Variants in TTC21B observed in about 807,000 individuals in gnomAD.
TTC21B encodes the protein tetratricopeptide repeat protein 21B.
A neutral mutation model predicts 175.1 loss-of-function variants in TTC21B; 127 were observed. That is an observed-to-expected ratio of 0.73 (90% CI 0.63 to 0.84). The LOEUF (loss-of-function observed/expected upper bound fraction) is 0.84, where lower values mean the gene tolerates loss of function less well. Ranked by LOEUF, TTC21B falls within the 40% of genes least tolerant of loss-of-function variation. The pLI, the probability that TTC21B is intolerant of heterozygous loss-of-function variation, is 0.00. For synonymous variants in TTC21B, 524 were observed against 524.5 expected, an observed-to-expected ratio of 1.00 and a Z score of 0.01; for missense variants, 1,561 against 1,558.3, an observed-to-expected ratio of 1.00 and a Z score of -0.03.
At chr2:165,933,130 G>C (rs1686975787) in intron 6 of TTC21B, 73 bp from the exon 7 acceptor site, 1 of 1,375,778 alleles carries the variant, frequency 7.3e-7, no homozygotes, top group Non-Finnish European at 1.0e-6. Context: ...ATGAAAAGTT[G>C]GTTTGCTTGC....
Position 165,953,759 on chromosome 2 carries a change from A to C in TTC21B, c.-54T>G. On this transcript the variant is annotated 5_prime_UTR_variant, in exon 1 of 29. Coordinates refer to ENST00000243344, the MANE Select transcript of TTC21B (RefSeq NM_024753.5). Reference sequence around the variant, plus strand: ...CTGGGGATTGTCTCGCCGCAGCCTAAAGGAAGACGCAGAATTCAGCTCCCC... The same window carrying C: ...CTGGGGATTGTCTCGCCGCAGCCTACAGGAAGACGCAGAATTCAGCTCCCC... 1.3e-6 allele frequency: 2 copies of C among 1,546,910 alleles called. No individual in the cohort carries two copies. The highest frequency in any genetic ancestry group is 2.4e-5 in the South Asian group (2 of 83,994).
intron 13 of TTC21B, 69 bp downstream of exon 13, chr2:165,919,206 CA>C: frequency 1.3e-6 from 2 of 1,574,634 alleles, no homozygotes; most frequent in Non-Finnish European, 1.7e-6. Context: ...GGCTAAAACA[CA>C]AAATACTTGA....
At position 165,929,454 on chromosome 2, in the gene TTC21B, T is replaced by C. The variant is rs978362149; in HGVS notation, c.1186-119A>G. ...ATGCAATTATTTGTTCAAACTCAAGTATTAGCTTGAATAGACTTTTAGAAT... is the reference window on the plus strand; with the variant it reads ...ATGCAATTATTTGTTCAAACTCAAGCATTAGCTTGAATAGACTTTTAGAAT... On this transcript the variant is annotated intron_variant, in intron 10 of 28. Transcript: ENST00000243344. The C allele has an allele frequency of 7.2e-6, 7 of 973,614 alleles. No individual in the cohort carries two copies. The Admixed American group carries it at 1.5e-4, about 21-fold the overall frequency. The allele number at this position is 973,614 out of a possible 1,614,324, so 60.3% of individuals were successfully genotyped here. A position where few individuals can be genotyped will look rare whatever the true frequency, so the allele number is the denominator to read the frequency against.
At chr2:165,903,222 T>G (rs1685624045) in intron 19 of TTC21B, among the ~76,000 whole-genome samples, 1 of 151,972 alleles carries the variant, frequency 6.6e-6, no homozygotes, top group Admixed American at 6.5e-5. Context: ...GGAAGTCAGG[T>G]AAGAATTAAA....
chr2:165,905,553 A>G (rs1000036276), intron 19 of TTC21B, among the ~76,000 whole-genome samples: 1 of 152,190 alleles, frequency 6.6e-6, no homozygotes. Flanking sequence ...AGAAATGAAG[A>G]AGGCCATTTT....
intron 6 of TTC21B, among the ~76,000 whole-genome samples, chr2:165,937,625 T>C (rs1350817314): frequency 6.6e-6 from 1 of 152,056 alleles, no homozygotes; most frequent in African/African-American, 2.4e-5. Flanking sequence ...TAAAAAACAG[T>C]TTGGTGTATC....
At chr2:165,922,049 A>G (rs945450883) in intron 12 of TTC21B, among the ~76,000 whole-genome samples, 1 of 151,888 alleles carries the variant, frequency 6.6e-6, no homozygotes, top group Non-Finnish European at 1.5e-5. Context: ...TAAAAATGGG[A>G]TTAATATAAG....
At chr2:165,905,527 AG>A (rs368786149) in intron 19 of TTC21B, among the ~76,000 whole-genome samples, 95 of 152,286 alleles carry the variant, frequency 6.2e-4, no homozygotes, top group Admixed American at 1.9e-3. Flanking sequence ...GAGATTTTAA[AG>A]CAAGAAGCAT....
At chr2:165,950,436 C>T (rs1687725147) in intron 1 of TTC21B, among the ~76,000 whole-genome samples, 1 of 152,168 alleles carries the variant, frequency 6.6e-6, no homozygotes, top group Non-Finnish European at 1.5e-5. Flanking sequence ...TGGTTGCTAA[C>T]CTCATCAAAG....
At chr2:165,918,029 A>C (rs951417129) in intron 13 of TTC21B, among the ~76,000 whole-genome samples, 3 of 152,202 alleles carry the variant, frequency 2.0e-5, no homozygotes, top group African/African-American at 7.2e-5. Context: ...GATAAAAATG[A>C]GGTGGGAAAA....
chr2:165,908,135 T>G (rs1003844619), intron 18 of TTC21B, among the ~76,000 whole-genome samples: 2 of 152,188 alleles, frequency 1.3e-5, no homozygotes, highest in Non-Finnish European at 2.9e-5. Context: ...AGTTGCTATA[T>G]GCAATTAAGA....
rs1371075132 is a variant in TTC21B at position 165,874,783 on chromosome 2, T to A, written c.3923A>T (p.Asp1308Val). 4 of 1,613,636 alleles carry A rather than the reference T, an allele frequency of 2.5e-6. No homozygotes were observed. The Admixed American group carries it at 6.7e-5, about 27-fold the overall frequency. ...TYPKIRKDIL[D>V]KARASLRP ...AGGTCTTAAAGACGCACGGGCCTTA[T>A]CAAGTATATCCTTTCTGATTTTTGG... Residue 1308 changes from aspartate (D) to valine (V), a missense_variant, in exon 29 of 29, where the codon GAT becomes GTT. By Grantham distance (152) the Asp-to-Val change is radical. Coordinates refer to ENST00000243344, the MANE Select transcript of TTC21B (RefSeq NM_024753.5).
In TTC21B at chr2:165,899,692, A is replaced by G. The variant is rs945085234; in HGVS notation, c.2868+78T>C. On this transcript the variant is annotated intron_variant, in intron 21 of 28. Transcript: ENST00000243344. ...CAACGTGAGCCATGCCTCATCATCT[A>G]GTAGTAGTTCCATGGGGTAAAATTT... 4 of 882,838 alleles carry G rather than the reference A, an allele frequency of 4.5e-6. No individual in the cohort carries two copies. In the African/African-American group the frequency reaches 6.6e-5, roughly 14 times the overall value. 54.7% of individuals were successfully genotyped at this position (882,838 alleles called of 1,614,324 possible). A position where few individuals can be genotyped will look rare whatever the true frequency, so the allele number is the denominator to read the frequency against.
At chr2:165,928,225 T>C (rs1686748226) in intron 11 of TTC21B, among the ~76,000 whole-genome samples, 1 of 152,100 alleles carries the variant, frequency 6.6e-6, no homozygotes, top group Admixed American at 6.6e-5. Context: ...ACAAGGAATA[T>C]GATAACATGG....
At chr2:165,942,456 A>T (rs1046734525) in intron 5 of TTC21B, among the ~76,000 whole-genome samples, 2 of 152,108 alleles carry the variant, frequency 1.3e-5, no homozygotes, top group African/African-American at 4.8e-5. Flanking sequence ...CTCTGTTCAA[A>T]ACTTTGTATT....
rs769459956 is a variant in TTC21B at position 165,890,905 on chromosome 2, C to T, written c.3034G>A (p.Ala1012Thr). The T allele has an allele frequency of 3.7e-6, 6 of 1,612,916 alleles. No individual in the cohort carries two copies. In the South Asian group the frequency reaches 5.5e-5, roughly 15 times the overall value. ...LEDVPRFFSM[A>T]EKRNSRAKLE... Reference sequence around the variant, plus strand: ...TTTGCTCTGGAGTTACGTTTCTCAGCCATTGAGAAAAATCTTGGGACATCC... The same window carrying T: ...TTTGCTCTGGAGTTACGTTTCTCAGTCATTGAGAAAAATCTTGGGACATCC... The change falls in exon 23 of 29, where the codon GCT (alanine) becomes ACT (threonine). Residue 1012 changes from alanine (A) to threonine (T), a missense_variant. Physicochemically the swap from Ala to Thr is moderately conservative, Grantham distance 58. Coordinates refer to ENST00000243344, the MANE Select transcript of TTC21B (RefSeq NM_024753.5).
intron 14 of TTC21B, among the ~76,000 whole-genome samples, chr2:165,916,188 A>C (rs1260920599): frequency 6.6e-6 from 1 of 152,214 alleles, no homozygotes; most frequent in Non-Finnish European, 1.5e-5. Context: ...TCTTGGACCC[A>C]GGAGTTTGAG....
chr2:165,886,235 T>C (rs1684993620), intron 25 of TTC21B, among the ~76,000 whole-genome samples: 1 of 152,232 alleles, frequency 6.6e-6, no homozygotes, highest in South Asian at 2.1e-4. Flanking sequence ...TCTTAAATCA[T>C]ACCTTCTTTA....
At chr2:165,876,375 A>G (rs1374956530) in intron 27 of TTC21B, 143 bp from the exon 28 acceptor site, 4 of 650,706 alleles carry the variant, frequency 6.1e-6, no homozygotes, top group African/African-American at 5.4e-5. Context: ...TATACAGAGA[A>G]GTTGTGTGAT....
Sources: gnomAD v4.1 joint callset for allele counts (sites outside exome capture counted in the v4.1 genomes callset) on GRCh38, gnomAD v4.1.1 for gene constraint, MANE v1.5 for transcripts, NCBI Gene and HGNC (gene_info 2026-07-23, HGNC 2026-07-21) for gene names.